Variants in ISM1 observed in about 807,000 individuals in gnomAD.
ISM1 encodes the protein isthmin-1.
In ISM1, 25 loss-of-function variants were observed where a neutral mutation model predicts 46.3. That is an observed-to-expected ratio of 0.54 (90% CI 0.39 to 0.75). ISM1 has a LOEUF of 0.75. Among genes scored for constraint, ISM1 ranks in the 30% least tolerant of loss-of-function variants. ISM1 has a pLI of 0.00. For missense variants in ISM1, 536 were observed against 625.4 expected (o/e 0.86, Z 1.52); for synonymous variants, 255 against 256.7 (o/e 0.99, Z 0.06).
At chr20:13,272,670 T>C (rs1265148630) in intron 2 of ISM1, among the ~76,000 whole-genome samples, 3 of 152,210 alleles carry the variant, frequency 2.0e-5, no homozygotes, top group Admixed American at 6.5e-5. Flanking sequence ...ATTGTTTTAA[T>C]TGATAAATTG....
Position 13,236,735 on chromosome 20 carries a change from G to C in ISM1, c.138+14821G>C, listed in dbSNP as rs185003717. Reference sequence around the variant, plus strand: ...AACTGGCCAAAACAGAGGGATTACAGGGCCCAGGCAAGTCTGAAATCCAGC... The same window carrying C: ...AACTGGCCAAAACAGAGGGATTACACGGCCCAGGCAAGTCTGAAATCCAGC... On this transcript the variant is annotated intron_variant, in intron 1 of 5. Transcript: ENST00000262487. 3.2e-4 allele frequency among the ~76,000 whole-genome samples: 48 copies of C among 152,306 alleles called. No homozygotes were observed. The East Asian group carries it at 9.3e-3, about 29-fold the overall frequency.
At chr20:13,322,036 A>T in the ISM1 span, among the ~76,000 whole-genome samples, 1 of 152,240 alleles carries the variant, frequency 6.6e-6, no homozygotes, top group Non-Finnish European at 1.5e-5. Flanking sequence ...GAAATTGTGC[A>T]TGTGTATCGC....
intron 1 of ISM1, among the ~76,000 whole-genome samples, chr20:13,260,820 G>A (rs970514135): frequency 3.3e-5 from 5 of 152,094 alleles, no homozygotes; most frequent in Admixed American, 2.0e-4. Context: ...GCTTAAACCC[G>A]CAAGGATTTA....
chr20:13,277,951 G>T (rs11906998), intron 2 of ISM1, among the ~76,000 whole-genome samples: 11,286 of 152,232 alleles, frequency 0.074, 546 homozygotes, highest in African/African-American at 0.14. Context: ...TAACACAAAA[G>T]GAAGGGGTTA....
chr20:13,310,423 C>T, the ISM1 span, among the ~76,000 whole-genome samples: 2 of 151,992 alleles, frequency 1.3e-5, no homozygotes, highest in African/African-American at 4.8e-5. Context: ...TAATAGTCAA[C>T]TCAAAATGGA....
chr20:13,296,046 CT>C (rs2040403745), intron 5 of ISM1, among the ~76,000 whole-genome samples: 1 of 152,178 alleles, frequency 6.6e-6, no homozygotes. Context: ...TTGGACACCC[CT>C]GGGGCTTTTT....
chr20:13,234,851 G>A (rs1403922049), intron 1 of ISM1, among the ~76,000 whole-genome samples: 3 of 152,080 alleles, frequency 2.0e-5, no homozygotes, highest in African/African-American at 7.2e-5. Flanking sequence ...GATTCTGTAT[G>A]TTAGCCCTTT....
At chr20:13,243,595 C>T (rs2039756383) in intron 1 of ISM1, among the ~76,000 whole-genome samples, 1 of 152,108 alleles carries the variant, frequency 6.6e-6, no homozygotes, top group Non-Finnish European at 1.5e-5. Flanking sequence ...AGTAAAACGA[C>T]CATCTGAATG....
At chr20:13,224,915 T>C (rs991334890) in intron 1 of ISM1, among the ~76,000 whole-genome samples, 3 of 148,870 alleles carry the variant, frequency 2.0e-5, no homozygotes, top group Non-Finnish European at 4.5e-5. Context: ...GCGCGATCTC[T>C]GCTCACTGCA....
At chr20:13,240,488 G>T (rs540967061) in intron 1 of ISM1, among the ~76,000 whole-genome samples, 1 of 152,288 alleles carries the variant, frequency 6.6e-6, no homozygotes, top group African/African-American at 2.4e-5. Flanking sequence ...AAAGCCTTGA[G>T]ATAGGAAGGA....
chr20:13,284,360 C>A (rs1310941213), intron 3 of ISM1, among the ~76,000 whole-genome samples: 1 of 152,190 alleles, frequency 6.6e-6, no homozygotes, highest in Non-Finnish European at 1.5e-5. Context: ...CCACTGCACT[C>A]GGGATAGTTT....
intron 5 of ISM1, among the ~76,000 whole-genome samples, chr20:13,296,433 G>A (rs931996218): frequency 1.3e-5 from 2 of 152,206 alleles, no homozygotes; most frequent in African/African-American, 4.8e-5. Context: ...TTATTGCAGG[G>A]AGGCAAGGGA....
chr20:13,228,075 C>T (rs554747181), intron 1 of ISM1, among the ~76,000 whole-genome samples: 10 of 149,648 alleles, frequency 6.7e-5, no homozygotes, highest in African/African-American at 1.2e-4. Context: ...CGGGTTCAAG[C>T]GATTCTCGTG....
At chr20:13,223,307 C>G (rs965273326) in intron 1 of ISM1, among the ~76,000 whole-genome samples, 1 of 152,028 alleles carries the variant, frequency 6.6e-6, no homozygotes, top group Non-Finnish European at 1.5e-5. Context: ...TTGCGAAAAA[C>G]TTTACCGTAA....
chr20:13,251,997 T>C (rs898178839), intron 1 of ISM1, among the ~76,000 whole-genome samples: 2 of 152,116 alleles, frequency 1.3e-5, no homozygotes, highest in Admixed American at 6.5e-5. Context: ...GGCTGAGGTA[T>C]AAATTTGCTG....
intron 1 of ISM1, among the ~76,000 whole-genome samples, chr20:13,263,218 G>A (rs894227707): frequency 1.3e-5 from 2 of 152,162 alleles, no homozygotes; most frequent in Admixed American, 6.5e-5. Flanking sequence ...TCATACACAG[G>A]CTTCATGAGA....
intron 1 of ISM1, among the ~76,000 whole-genome samples, chr20:13,267,117 A>G (rs1031936135): frequency 6.6e-5 from 10 of 152,202 alleles, no homozygotes; most frequent in African/African-American, 2.4e-4. Flanking sequence ...ATCCTTAGCC[A>G]CACTTCCCCT....
At chr20:13,249,121 A>G (rs887514381) in intron 1 of ISM1, among the ~76,000 whole-genome samples, 19 of 152,170 alleles carry the variant, frequency 1.2e-4, no homozygotes, top group Non-Finnish European at 2.9e-5. Flanking sequence ...ATTTTTTAGG[A>G]TGATTTTTGA....
downstream of ISM1, among the ~76,000 whole-genome samples, chr20:13,304,912 T>C (rs80073959): frequency 4.2e-3 from 643 of 152,328 alleles, 4 homozygotes; most frequent in African/African-American, 0.015. Context: ...TGGAATCTTC[T>C]ACCAAATAAG....
Sources: gnomAD v4.1 joint callset for allele counts (sites outside exome capture counted in the v4.1 genomes callset) on GRCh38, gnomAD v4.1.1 for gene constraint, MANE v1.5 for transcripts, NCBI Gene and HGNC (gene_info 2026-07-23, HGNC 2026-07-21) for gene names.